OLA1: variants seen among roughly 807,000 people sequenced by gnomAD.
OLA1 encodes the protein Obg like ATPase 1.
A neutral mutation model predicts 48.4 loss-of-function variants in OLA1; 14 were observed. That is an observed-to-expected ratio of 0.29 (90% CI 0.19 to 0.45). The LOEUF (loss-of-function observed/expected upper bound fraction) is 0.45. Among genes scored for constraint, OLA1 ranks in the 20% least tolerant of loss-of-function variants. The pLI, the probability that OLA1 is intolerant of heterozygous loss-of-function variation, is 1.00. For missense variants in OLA1, 325 were observed against 467.1 expected (o/e 0.70, Z 2.80); for synonymous variants, 127 against 150.4 (o/e 0.84, Z 1.14).
At chr2:174,085,377 C>T (rs1684945863) in intron 7 of OLA1, among the ~76,000 whole-genome samples, 1 of 152,166 alleles carries the variant, frequency 6.6e-6, no homozygotes, top group African/African-American at 2.4e-5. Context: ...ATTAGATTCT[C>T]ACAGAAGCCC....
chr2:174,102,186 A>C (rs962766810), intron 7 of OLA1, among the ~76,000 whole-genome samples: 1 of 152,056 alleles, frequency 6.6e-6, no homozygotes, highest in African/African-American at 2.4e-5. Context: ...CACGCTGGAC[A>C]ACTGTCAGGC....
intron 7 of OLA1, among the ~76,000 whole-genome samples, chr2:174,122,755 A>T (rs1358641541): frequency 2.9e-5 from 4 of 138,982 alleles, no homozygotes; most frequent in Admixed American, 1.4e-4. Context: ...TTTTTTTTTT[A>T]AAGCATTCAA....
At position 174,248,460 on chromosome 2, in the gene OLA1, G is replaced by T; in HGVS notation, c.-9C>A. 6.1e-6 allele frequency: 1 copy of T among 164,852 alleles called. No individual in the cohort carries two copies. The allele number at this position is 164,852 out of a possible 1,614,324, so 10.2% of individuals were successfully genotyped here. A position where few individuals can be genotyped will look rare whatever the true frequency, so the allele number is the denominator to read the frequency against. ...CTCCCTGAGGGCCTCACCGTGCTCG[G>T]CCTGGGCGATGACACGGGGTCCCAG... On this transcript the variant is annotated 5_prime_UTR_variant, in exon 1 of 11. Transcript: ENST00000284719.
intron 4 of OLA1, among the ~76,000 whole-genome samples, chr2:174,175,602 C>A (rs2105409557): frequency 6.6e-6 from 1 of 152,084 alleles, no homozygotes; most frequent in East Asian, 1.9e-4. Context: ...GGAACTGGAA[C>A]TCATATTGCT....
At chr2:174,161,010 C>T (rs1686997820) in intron 4 of OLA1, among the ~76,000 whole-genome samples, 1 of 152,168 alleles carries the variant, frequency 6.6e-6, no homozygotes, top group Non-Finnish European at 1.5e-5. Flanking sequence ...TTAACTACAG[C>T]ACCTCTTGGT....
chr2:174,143,279 G>A lies in OLA1; in HGVS notation c.374-1279C>T, dbSNP rs77040503. On this transcript the variant is annotated intron_variant, in intron 4 of 10. Coordinates refer to ENST00000284719, the MANE Select transcript of OLA1 (RefSeq NM_013341.5). Reference sequence around the variant, plus strand: ...TCATATGAGCAAAATTAGCAGAAATGAGGAGCTATATTATGTTTTACTAAC... The same window carrying A: ...TCATATGAGCAAAATTAGCAGAAATAAGGAGCTATATTATGTTTTACTAAC... Among the ~76,000 whole-genome samples, 218 of 152,218 alleles carry A rather than the reference G, an allele frequency of 1.4e-3. 3 individuals carry two copies. In the East Asian group the frequency reaches 0.037, roughly 26 times the overall value.
rs550831078 is a variant in OLA1, at chr2:174,121,096, A to G, written c.728+2084T>C. ...GTTAAAATGGATTTTAACTATTTACATCTGCTTTCAGTGTTATAAATGATG... is the reference window on the plus strand; with the variant it reads ...GTTAAAATGGATTTTAACTATTTACGTCTGCTTTCAGTGTTATAAATGATG... On this transcript the variant is annotated intron_variant, in intron 7 of 10. Transcript: ENST00000284719. Among the ~76,000 whole-genome samples, 4 of 152,342 alleles carry G rather than the reference A, an allele frequency of 2.6e-5. No homozygotes were observed. In the South Asian group the frequency reaches 6.2e-4, roughly 24 times the overall value.
At chr2:174,085,758 T>C (rs1282960408) in intron 7 of OLA1, among the ~76,000 whole-genome samples, 1 of 152,222 alleles carries the variant, frequency 6.6e-6, no homozygotes, top group African/African-American at 2.4e-5. Flanking sequence ...CAGATATGAA[T>C]TTTATTACTA....
chr2:174,218,846 A>G (rs1688423429), intron 4 of OLA1, among the ~76,000 whole-genome samples: 1 of 152,100 alleles, frequency 6.6e-6, no homozygotes, highest in African/African-American at 2.4e-5. Flanking sequence ...TTTTAGAGAG[A>G]GGATCTTGTT....
intron 8 of OLA1, 37 bp downstream of exon 8, chr2:174,081,887 T>C: frequency 6.3e-7 from 1 of 1,598,178 alleles, no homozygotes; most frequent in Non-Finnish European, 8.5e-7. Context: ...AGGAAATAGT[T>C]GATAATAAAG....
At chr2:174,197,861 T>C (rs1687912914) in intron 4 of OLA1, among the ~76,000 whole-genome samples, 1 of 152,256 alleles carries the variant, frequency 6.6e-6, no homozygotes. Flanking sequence ...TGACACAGTA[T>C]AGCCAAATAT....
At chr2:174,135,429 G>A (rs776737312) in intron 5 of OLA1, among the ~76,000 whole-genome samples, 3 of 152,168 alleles carry the variant, frequency 2.0e-5, no homozygotes, top group Non-Finnish European at 4.4e-5. Context: ...TGGAAAACAA[G>A]AGCAAGCTAC....
At chr2:174,195,731 C>T (rs16862465) in intron 4 of OLA1, among the ~76,000 whole-genome samples, 16,862 of 152,210 alleles carry the variant, frequency 0.11, 2,187 homozygotes, top group East Asian at 0.71. Context: ...AGGCATACCA[C>T]TGGCTACTTT....
chr2:174,087,786 T>C (rs1353456990), intron 7 of OLA1, among the ~76,000 whole-genome samples: 1 of 152,164 alleles, frequency 6.6e-6, no homozygotes, highest in African/African-American at 2.4e-5. Flanking sequence ...CAACTACCTC[T>C]AGCCACTCAA....
At chr2:174,077,422 T>C (rs1280677480) in intron 10 of OLA1, among the ~76,000 whole-genome samples, 1 of 152,154 alleles carries the variant, frequency 6.6e-6, no homozygotes, top group Admixed American at 6.6e-5. Context: ...AATCTGCAAG[T>C]AAACATTTGT....
chr2:174,219,889 T>C (rs1050428429), intron 4 of OLA1, among the ~76,000 whole-genome samples: 5 of 152,138 alleles, frequency 3.3e-5, no homozygotes, highest in African/African-American at 1.2e-4. Flanking sequence ...CTCAGCACTT[T>C]GGGAGGCTGA....
intron 10 of OLA1, among the ~76,000 whole-genome samples, chr2:174,077,354 A>ATACC (rs1282700734): frequency 4.6e-5 from 7 of 152,084 alleles, no homozygotes; most frequent in Non-Finnish European, 1.0e-4. Context: ...ACATACATAC[A>ATACC]TACATACATA....
chr2:174,168,424 AG>A (rs1017721345), intron 4 of OLA1, among the ~76,000 whole-genome samples: 6 of 152,130 alleles, frequency 3.9e-5, no homozygotes, highest in African/African-American at 1.4e-4. Context: ...CACATATGAG[AG>A]AAAAACTGGA....
At chr2:174,134,294 G>A (rs1290267232) in intron 5 of OLA1, among the ~76,000 whole-genome samples, 1 of 152,106 alleles carries the variant, frequency 6.6e-6, no homozygotes, top group Non-Finnish European at 1.5e-5. Flanking sequence ...AAATTTCGTT[G>A]AAGTTTTATT....
Sources: allele counts gnomAD v4.1 joint callset (sites outside exome capture counted in the v4.1 genomes callset), GRCh38; gene constraint gnomAD v4.1.1; transcripts MANE v1.5; gene names NCBI Gene and HGNC (gene_info 2026-07-23, HGNC 2026-07-21).